Variants in DPP6 observed in about 807,000 individuals in gnomAD.
DPP6 encodes the protein A-type potassium channel modulatory protein DPP6.
In DPP6, 69 loss-of-function variants were observed where a neutral mutation model predicts 122.6. That is an observed-to-expected ratio of 0.56 (90% confidence interval 0.46 to 0.69). The LOEUF (loss-of-function observed/expected upper bound fraction) is 0.69. Among genes scored for constraint, DPP6 ranks in the 30% least tolerant of loss-of-function variants. DPP6 has a pLI of 0.00. For missense variants in DPP6, 928 were observed against 1,116.9 expected, an observed-to-expected ratio of 0.83 and a Z score of 2.41; for synonymous variants, 418 against 433.1, an observed-to-expected ratio of 0.97 and a Z score of 0.43.
intron 10 of DPP6, among the ~76,000 whole-genome samples, chr7:154,790,748 G>C (rs1797619422): frequency 6.8e-6 from 1 of 147,776 alleles, no homozygotes; most frequent in African/African-American, 2.5e-5. Context: ...CTAATTTTTA[G>C]TACAATTATA....
chr7:153,777,292 TAATGCA>T, the DPP6 span, among the ~76,000 whole-genome samples: 1 of 152,026 alleles, frequency 6.6e-6, no homozygotes, highest in Non-Finnish European at 1.5e-5. Context: ...TTACTTGTGG[TAATGCA>T]AAATGTTTCA....
intron 8 of DPP6, among the ~76,000 whole-genome samples, chr7:154,743,664 A>G (rs541289296): frequency 2.0e-5 from 3 of 152,248 alleles, no homozygotes; most frequent in Non-Finnish European, 2.9e-5. Flanking sequence ...GCCCCTTGGT[A>G]TATACGCAGG....
intron 4 of DPP6, among the ~76,000 whole-genome samples, chr7:154,543,546 G>A (rs1197491412): frequency 2.0e-5 from 3 of 152,212 alleles, no homozygotes; most frequent in Non-Finnish European, 4.4e-5. Context: ...CAAATTCAGA[G>A]CTTGTGCTAA....
At chr7:154,213,111 T>C (rs1156277041) in intron 1 of DPP6, among the ~76,000 whole-genome samples, 1 of 152,124 alleles carries the variant, frequency 6.6e-6, no homozygotes, top group Non-Finnish European at 1.5e-5. Context: ...CCACCTGCTC[T>C]GATGGTCCAA....
intron 1 of DPP6, among the ~76,000 whole-genome samples, chr7:154,202,540 C>A (rs535158413): frequency 6.6e-6 from 1 of 152,192 alleles, no homozygotes. Context: ...TAGTTTCCCC[C>A]AAACCGGACG....
chr7:154,093,658 A>ACACACACACAC (rs1417579866), intron 1 of DPP6: 1 of 137,874 alleles, frequency 7.3e-6, no homozygotes, highest in African/African-American at 2.5e-5. Context: ...ACACACACAT[A>ACACACACACAC]AAAAAAAACT....
the DPP6 span, among the ~76,000 whole-genome samples, chr7:153,862,734 T>C: frequency 6.6e-6 from 1 of 152,188 alleles, no homozygotes; most frequent in Admixed American, 6.6e-5. Flanking sequence ...TTTAGTATTT[T>C]AGGTTTCTCC....
At chr7:154,434,235 T>C (rs1818677261) in intron 1 of DPP6, among the ~76,000 whole-genome samples, 1 of 152,236 alleles carries the variant, frequency 6.6e-6, no homozygotes. Flanking sequence ...CAGACTATGT[T>C]TCTATAGTTT....
intron 1 of DPP6, among the ~76,000 whole-genome samples, chr7:153,987,586 T>A (rs1184084689): frequency 6.6e-6 from 1 of 151,954 alleles, no homozygotes; most frequent in East Asian, 1.9e-4. Flanking sequence ...GAAAACTAAA[T>A]GTCAATCTCA....
In DPP6 at chr7:154,877,785, G is replaced by A. The variant is rs1805019084; in HGVS notation, c.2078+1685G>A. 6.6e-6 allele frequency among the ~76,000 whole-genome samples: 1 copy of A among 152,196 alleles called. No homozygotes were observed. The highest frequency in any genetic ancestry group is 2.4e-5 in the African/African-American group (1 of 41,438). ...CCTGCCACCAGTGAGACAGGTGCAG[G>A]CAGCCCCCCCAGAGACCAAGTGGGT... On this transcript the variant is annotated intron_variant, in intron 20 of 25. Transcript: ENST00000377770. The surrounding 1 kb of genome is among the most constrained non-coding windows in gnomAD (Gnocchi z 5.2).
intron 3 of DPP6, among the ~76,000 whole-genome samples, chr7:154,500,508 T>TG (rs1343002518): frequency 6.6e-6 from 1 of 152,154 alleles, no homozygotes; most frequent in Admixed American, 6.5e-5. Flanking sequence ...GACTGAATTA[T>TG]GGGGGCGGAT....
chr7:154,841,579 C>T (rs1801550077), intron 16 of DPP6, among the ~76,000 whole-genome samples: 2 of 151,676 alleles, frequency 1.3e-5, no homozygotes, highest in African/African-American at 4.9e-5. Context: ...GTACTGAGAA[C>T]CTTCTCTTTT....
At chr7:154,351,946 G>A (rs1586025904) in intron 1 of DPP6, among the ~76,000 whole-genome samples, 1 of 152,110 alleles carries the variant, frequency 6.6e-6, no homozygotes, top group Admixed American at 6.5e-5. Flanking sequence ...GTGGGAGTGA[G>A]GATGATGACA....
At chr7:154,021,963 G>T (rs905553005) in intron 1 of DPP6, among the ~76,000 whole-genome samples, 12 of 152,150 alleles carry the variant, frequency 7.9e-5, no homozygotes, top group African/African-American at 2.9e-4. Context: ...CCCATTGGCC[G>T]GTCAAGTTGA....
intron 5 of DPP6, among the ~76,000 whole-genome samples, chr7:154,625,318 CT>C (rs11306187): frequency 0.16 from 23,499 of 146,452 alleles, 1,884 homozygotes; most frequent in East Asian, 0.2. Flanking sequence ...CACACAGACA[CT>C]TTTTTTTTTT....
intron 1 of DPP6, among the ~76,000 whole-genome samples, chr7:154,144,203 C>T (rs1795981289): frequency 6.6e-6 from 1 of 151,970 alleles, no homozygotes; most frequent in South Asian, 2.1e-4. Flanking sequence ...GTTCATTTAG[C>T]CCTGGTATTT....
chr7:154,084,848 G>A (rs1804270351), intron 1 of DPP6, among the ~76,000 whole-genome samples: 1 of 151,602 alleles, frequency 6.6e-6, no homozygotes, highest in South Asian at 2.1e-4. Flanking sequence ...AAATTAGCCG[G>A]GCATGGTGGT....
the DPP6 span, among the ~76,000 whole-genome samples, chr7:153,811,257 C>A: frequency 1.4e-4 from 22 of 152,192 alleles, no homozygotes; most frequent in African/African-American, 5.3e-4. Context: ...AATGACATTT[C>A]ATTCTGATCA....
chr7:154,424,929 A>G (rs1817763828), intron 1 of DPP6, among the ~76,000 whole-genome samples: 1 of 152,232 alleles, frequency 6.6e-6, no homozygotes. Flanking sequence ...GGTGAAGGTC[A>G]TGAAGTGTAA....
Sources: gnomAD v4.1 joint callset for allele counts (sites outside exome capture counted in the v4.1 genomes callset) on GRCh38, gnomAD v4.1.1 for gene constraint, Gnocchi (gnomAD v3.1) non-coding constraint, MANE v1.5 for transcripts, NCBI Gene and HGNC (gene_info 2026-07-23, HGNC 2026-07-21) for gene names.